The following ZSWIM5 variants were observed in gnomAD, a reference collection of about 807,000 sequenced individuals.
ZSWIM5 encodes the protein zinc finger SWIM-type containing 5, also known as zinc finger SWIM domain-containing protein 5.
A neutral mutation model predicts 119.6 loss-of-function variants in ZSWIM5; 55 were observed. The ratio of observed to expected loss-of-function variants is 0.46; its 90% confidence interval spans 0.37 to 0.58. The LOEUF (loss-of-function observed/expected upper bound fraction) is 0.58, where lower values mean the gene tolerates loss of function less well. Ranked by LOEUF, ZSWIM5 falls within the 20% of genes least tolerant of loss-of-function variation. ZSWIM5 has a pLI of 0.00. For missense variants in ZSWIM5, 1,193 were observed against 1,512.8 expected (o/e 0.79, Z 3.51); for synonymous variants, 537 against 606.9 (o/e 0.88, Z 1.69).
intron 1 of ZSWIM5, among the ~76,000 whole-genome samples, chr1:45,096,035 A>C (rs914568597): frequency 1.3e-5 from 2 of 152,170 alleles, no homozygotes; most frequent in Non-Finnish European, 2.9e-5. Flanking sequence ...CCCAAATATC[A>C]TCTTTGTGAT....
intron 1 of ZSWIM5, among the ~76,000 whole-genome samples, chr1:45,137,637 T>C (rs1053532853): frequency 1.3e-5 from 2 of 152,064 alleles, no homozygotes; most frequent in South Asian, 4.1e-4. Flanking sequence ...GCTGAGGCAA[T>C]AGACAATATA....
intron 1 of ZSWIM5, among the ~76,000 whole-genome samples, chr1:45,155,190 A>C (rs1163988032): frequency 6.6e-6 from 1 of 151,412 alleles, no homozygotes; most frequent in African/African-American, 2.4e-5. Context: ...AATTAGCAAG[A>C]AAAAAAAATC....
At chr1:45,042,270 C>T (rs1291277297) in intron 6 of ZSWIM5, among the ~76,000 whole-genome samples, 1 of 152,212 alleles carries the variant, frequency 6.6e-6, no homozygotes. Context: ...CATGTAACCT[C>T]TCCCACACCA....
Position 45,036,020 on chromosome 1 carries a change from G to C in ZSWIM5, c.2155+19C>G, listed in dbSNP as rs530933322. The C allele has an allele frequency of 3.7e-6, 6 of 1,609,526 alleles. No homozygotes were observed. In the African/African-American group the frequency reaches 8.0e-5, roughly 22 times the overall value. On this transcript the variant is annotated intron_variant, in intron 9 of 13. Coordinates refer to ENST00000359600, the MANE Select transcript of ZSWIM5 (RefSeq NM_020883.2). The stretch of plus-strand genomic sequence containing the variant: ...TCATGGGCCAAAGACACCGTGACAA[G>C]AGACTCTTTTCTACTTACCTTCCAG...
At chr1:45,169,222 C>A (rs1645929624) in intron 1 of ZSWIM5, among the ~76,000 whole-genome samples, 1 of 151,750 alleles carries the variant, frequency 6.6e-6, no homozygotes, top group East Asian at 1.9e-4. Flanking sequence ...ATCTAAGCAT[C>A]TGAAAAACTC....
chr1:45,039,004 A>G lies in ZSWIM5; in HGVS notation c.1826T>C (p.Ile609Thr). 1 of 1,614,182 alleles carries G rather than the reference A, an allele frequency of 6.2e-7. No homozygotes were observed. The highest frequency in any genetic ancestry group is 8.5e-7 in the Non-Finnish European group (1 of 1,180,026). Residue 609 changes from isoleucine to threonine, a missense_variant, in exon 8 of 14, where the codon ATC (isoleucine) becomes ACC (threonine). Ile to Thr is a moderately conservative substitution (Grantham distance 89). Transcript: ENST00000359600. ...AGTCAAAGTGAGAAACAGGCAGTCG[A>G]TGGGATCCAGGGGGTGGCCCACCCA... ...EGWVGHPLDP[I>T]DCLFLTLTEA... is the part of the protein sequence containing the mutation.
intron 11 of ZSWIM5, among the ~76,000 whole-genome samples, chr1:45,031,353 T>G (rs1444440210): frequency 2.0e-5 from 3 of 151,648 alleles, no homozygotes; most frequent in Non-Finnish European, 4.4e-5. Flanking sequence ...ATTTTTTTTT[T>G]TTGTATTTTT....
intron 2 of ZSWIM5, among the ~76,000 whole-genome samples, chr1:45,080,039 G>A (rs956532011): frequency 3.9e-5 from 6 of 152,046 alleles, no homozygotes; most frequent in African/African-American, 1.4e-4. Context: ...TCCTCTCCTC[G>A]AGCAAAGGGA....
Position 45,018,391 on chromosome 1 carries a change from C to T in ZSWIM5, c.*63G>A. Reference sequence around the variant, plus strand: ...TCAGGGTGGACAAATGTTTCAGTGCCCTTGGCCTGACCTGATACTACCTGG... The same window carrying T: ...TCAGGGTGGACAAATGTTTCAGTGCTCTTGGCCTGACCTGATACTACCTGG... On this transcript the variant is annotated 3_prime_UTR_variant, in exon 14 of 14. Coordinates refer to ENST00000359600, the MANE Select transcript of ZSWIM5 (RefSeq NM_020883.2). This position sits in a 1 kb window ranked among gnomAD's most constrained non-coding sequence, Gnocchi z 6.7. The T allele has an allele frequency of 6.4e-7, 1 of 1,569,184 alleles. No homozygotes were observed. Among genetic ancestry groups the T allele is most frequent in the Non-Finnish European group, 8.6e-7 (1 of 1,157,364 alleles).
intron 1 of ZSWIM5, among the ~76,000 whole-genome samples, chr1:45,093,504 C>T (rs1051189843): frequency 6.6e-6 from 1 of 152,224 alleles, no homozygotes; most frequent in Non-Finnish European, 1.5e-5. Flanking sequence ...TTCATTTGAG[C>T]TGTGTAAATG....
At chr1:45,044,804 AAT>A (rs1239066301) in intron 5 of ZSWIM5, among the ~76,000 whole-genome samples, 2 of 2,352 alleles carry the variant, frequency 8.5e-4, no homozygotes, top group South Asian at 0.023. Context: ...TATATATATA[AAT>A]ATATATATAT....
At chr1:45,115,179 G>T (rs1237503633) in intron 1 of ZSWIM5, among the ~76,000 whole-genome samples, 4 of 152,234 alleles carry the variant, frequency 2.6e-5, no homozygotes, top group Admixed American at 2.6e-4. Flanking sequence ...AGACGGGGTG[G>T]CCGCCGGGCA....
chr1:45,104,615 C>CAT (rs1424326782), intron 1 of ZSWIM5, among the ~76,000 whole-genome samples: 2 of 152,198 alleles, frequency 1.3e-5, no homozygotes, highest in Admixed American at 6.5e-5. Context: ...AAGTGAGGAG[C>CAT]AGTATTGTTA....
At chr1:45,137,466 A>G (rs1306366798) in intron 1 of ZSWIM5, among the ~76,000 whole-genome samples, 2 of 152,244 alleles carry the variant, frequency 1.3e-5, no homozygotes, top group African/African-American at 4.8e-5. Flanking sequence ...TATAGAAAAA[A>G]AAAGTAGATC....
intron 1 of ZSWIM5, among the ~76,000 whole-genome samples, chr1:45,149,358 G>A (rs1172661458): frequency 1.3e-5 from 2 of 152,112 alleles, no homozygotes; most frequent in Non-Finnish European, 2.9e-5. Context: ...ATCATACTAC[G>A]TTTTCAGGCT....
chr1:45,126,488 AGAAACAGATTAACT>A (rs1645622880), intron 1 of ZSWIM5, among the ~76,000 whole-genome samples: 1 of 152,232 alleles, frequency 6.6e-6, no homozygotes. Context: ...TCATCCAGTA[AGAAACAGATTAACT>A]GAAACAGCCC....
chr1:45,168,848 G>C (rs1346946883), intron 1 of ZSWIM5, among the ~76,000 whole-genome samples: 1 of 151,984 alleles, frequency 6.6e-6, no homozygotes, highest in African/African-American at 2.4e-5. Flanking sequence ...AACTCAGCTA[G>C]AACAGAGGAA....
chr1:45,109,831 T>C (rs1000406390), intron 1 of ZSWIM5, among the ~76,000 whole-genome samples: 6 of 152,156 alleles, frequency 3.9e-5, no homozygotes, highest in African/African-American at 1.4e-4. Context: ...AAACTGTCAA[T>C]TGTGTATTTA....
intron 1 of ZSWIM5, among the ~76,000 whole-genome samples, chr1:45,138,915 C>T (rs1262906330): frequency 1.1e-4 from 17 of 148,200 alleles, no homozygotes; most frequent in East Asian, 3.9e-4. Context: ...TTTTTGAGAC[C>T]GAGTCTTGCT....
Sources: gnomAD v4.1 joint callset for allele counts (sites outside exome capture counted in the v4.1 genomes callset) on GRCh38, gnomAD v4.1.1 for gene constraint, Gnocchi (gnomAD v3.1) non-coding constraint, MANE v1.5 for transcripts, NCBI Gene and HGNC (gene_info 2026-07-23, HGNC 2026-07-21) for gene names.